Variants in ASIC2 observed in about 807,000 individuals in gnomAD.
ASIC2 encodes the protein acid sensing ion channel subunit 2, also known as acid-sensing ion channel 2.
A neutral mutation model predicts 57.3 loss-of-function variants in ASIC2; 25 were observed. That is an observed-to-expected ratio of 0.44 (90% CI 0.32 to 0.61). The LOEUF is 0.61. Ranked by LOEUF, ASIC2 falls within the 20% of genes least tolerant of loss-of-function variation. The pLI is 0.06. For synonymous variants in ASIC2, 319 were observed against 307.5 expected, an observed-to-expected ratio of 1.04 and a Z score of -0.39; for missense variants, 641 against 738.1, an observed-to-expected ratio of 0.87 and a Z score of 1.52.
intron 1 of ASIC2, among the ~76,000 whole-genome samples, chr17:33,131,317 C>A (rs572166105): frequency 6.6e-6 from 1 of 152,250 alleles, no homozygotes; most frequent in South Asian, 2.1e-4. Context: ...AGAGGAATCC[C>A]AAGCAATTTT....
At chr17:33,766,176 C>T (rs757896376) in intron 1 of ASIC2, among the ~76,000 whole-genome samples, 1 of 152,166 alleles carries the variant, frequency 6.6e-6, no homozygotes, top group Non-Finnish European at 1.5e-5. Context: ...ATTTACATAA[C>T]ATTTATTGCA....
chr17:34,068,588 T>C (rs1043394134), intron 1 of ASIC2, among the ~76,000 whole-genome samples: 33 of 152,156 alleles, frequency 2.2e-4, no homozygotes, highest in Non-Finnish European at 4.0e-4. Flanking sequence ...TGTAAAACAA[T>C]GGAGTGGAAC....
intron 1 of ASIC2, chr17:34,069,892 T>C (rs1447691742): frequency 6.6e-6 from 1 of 152,112 alleles, no homozygotes; most frequent in African/African-American, 2.4e-5. Flanking sequence ...AACCTGACCA[T>C]AAACCGTCTG....
chr17:33,120,035 C>A (rs945342809), intron 1 of ASIC2, among the ~76,000 whole-genome samples: 1 of 152,180 alleles, frequency 6.6e-6, no homozygotes, highest in Non-Finnish European at 1.5e-5. Context: ...CAGCTTACAG[C>A]GAGAAGACTG....
intron 1 of ASIC2, among the ~76,000 whole-genome samples, chr17:33,316,063 T>G (rs894552460): frequency 1.2e-4 from 19 of 152,234 alleles, no homozygotes; most frequent in African/African-American, 4.6e-4. Context: ...ACAAAGTAGA[T>G]GCTTAATAAG....
At position 33,026,083 on chromosome 17, in the gene ASIC2, G is replaced by T; in HGVS notation, c.1139-101C>A. 2.3e-6 allele frequency: 3 copies of T among 1,320,008 alleles called. No homozygotes were observed. In the South Asian group the frequency reaches 4.0e-5, roughly 18 times the overall value. The allele number at this position is 1,320,008 out of a possible 1,614,324, so 81.8% of individuals were successfully genotyped here. A position where few individuals can be genotyped will look rare whatever the true frequency, so the allele number is the denominator to read the frequency against. On this transcript the variant is annotated intron_variant, in intron 4 of 9. Transcript: ENST00000225823. Reference sequence around the variant, plus strand: ...TTAGGGAAAGGGGTGCCTCCTGGCAGTTGAAGGGGCAGCGGCCTGCCAGTG... The same window carrying T: ...TTAGGGAAAGGGGTGCCTCCTGGCATTTGAAGGGGCAGCGGCCTGCCAGTG...
chr17:33,043,188 G>A (rs2091936568), intron 3 of ASIC2, among the ~76,000 whole-genome samples: 1 of 152,190 alleles, frequency 6.6e-6, no homozygotes, highest in African/African-American at 2.4e-5. Flanking sequence ...GCCTCCTAAA[G>A]TGCTGGGATT....
chr17:33,055,083 CT>C (rs1804530136), intron 3 of ASIC2, among the ~76,000 whole-genome samples: 1 of 152,200 alleles, frequency 6.6e-6, no homozygotes, highest in South Asian at 2.1e-4. Context: ...TTTCCCAGCA[CT>C]CCAGGAATAC....
At chr17:33,829,412 T>C (rs1043092705) in intron 1 of ASIC2, among the ~76,000 whole-genome samples, 1 of 152,114 alleles carries the variant, frequency 6.6e-6, no homozygotes, top group Non-Finnish European at 1.5e-5. Context: ...TCAGAAATAC[T>C]ATGGATGGGG....
At chr17:34,038,800 A>G in intron 1 of ASIC2, 1 of 1,611,942 alleles carries the variant, frequency 6.2e-7, no homozygotes, top group South Asian at 1.1e-5. Context: ...GTTTCTGCTC[A>G]TTGGTTGCAG....
At chr17:33,257,395 G>C (rs1049072221) in intron 1 of ASIC2, among the ~76,000 whole-genome samples, 2 of 152,210 alleles carry the variant, frequency 1.3e-5, no homozygotes, top group Admixed American at 6.5e-5. Context: ...TCTACTGGAG[G>C]CTGTCCAAGC....
At chr17:33,489,749 G>A (rs533634936) in intron 1 of ASIC2, among the ~76,000 whole-genome samples, 1 of 152,318 alleles carries the variant, frequency 6.6e-6, no homozygotes, top group Admixed American at 6.5e-5. Context: ...TACTGTGAAG[G>A]CCAGCCTTCC....
chr17:33,175,523 C>G (rs1233169151), intron 1 of ASIC2, among the ~76,000 whole-genome samples: 1 of 105,194 alleles, frequency 9.5e-6, no homozygotes, highest in African/African-American at 3.2e-5. Flanking sequence ...AAGAAAAATA[C>G]CCTACTTTTT....
chr17:33,377,338 A>C (rs1485429232), intron 1 of ASIC2, among the ~76,000 whole-genome samples: 1 of 152,232 alleles, frequency 6.6e-6, no homozygotes, highest in Admixed American at 6.5e-5. Context: ...GGCGTGAGCC[A>C]CTGTGCCCAG....
chr17:34,087,801 C>T (rs540674120), intron 1 of ASIC2, among the ~76,000 whole-genome samples: 1 of 152,160 alleles, frequency 6.6e-6, no homozygotes, highest in Non-Finnish European at 1.5e-5. Context: ...CATCTTCCAT[C>T]ACTGATACCC....
intron 1 of ASIC2, among the ~76,000 whole-genome samples, chr17:34,062,894 A>G (rs1328085001): frequency 6.6e-6 from 1 of 152,120 alleles, no homozygotes; most frequent in Admixed American, 6.6e-5. Context: ...AGCAACAAAA[A>G]ATAATTCAGT....
At chr17:33,015,863 A>G in intron 9 of ASIC2, 108 bp downstream of exon 9, 2 of 1,142,518 alleles carry the variant, frequency 1.8e-6, no homozygotes, top group Non-Finnish European at 2.6e-6. Flanking sequence ...AGCCATGGAA[A>G]GGTGTGCAGT....
intron 1 of ASIC2, among the ~76,000 whole-genome samples, chr17:33,545,036 C>T (rs2141972045): frequency 6.6e-6 from 1 of 152,274 alleles, no homozygotes; most frequent in Admixed American, 6.5e-5. Context: ...CCCCTCTACC[C>T]ACCCAGTTGA....
intron 1 of ASIC2, among the ~76,000 whole-genome samples, chr17:33,475,398 A>G (rs1266086390): frequency 6.6e-6 from 1 of 152,104 alleles, no homozygotes; most frequent in Non-Finnish European, 1.5e-5. Context: ...GTGTTCACCT[A>G]TCTGTGTTTT....
Sources: allele counts gnomAD v4.1 joint callset (sites outside exome capture counted in the v4.1 genomes callset), GRCh38; gene constraint gnomAD v4.1.1; transcripts MANE v1.5; gene names NCBI Gene and HGNC (gene_info 2026-07-23, HGNC 2026-07-21).